Variants in TMEM132D observed in about 807,000 individuals in gnomAD.
The protein encoded by TMEM132D is mature OL transmembrane protein.
In TMEM132D, 21 loss-of-function variants were observed where a neutral mutation model predicts 62.3. The ratio of observed to expected loss-of-function variants is 0.34; its 90% CI spans 0.24 to 0.49. The LOEUF is 0.49. Ranked by LOEUF, TMEM132D falls within the 20% of genes least tolerant of loss-of-function variation. The probability of loss-of-function intolerance (pLI) is 0.99; values close to 1 mark genes in which losing one functional copy is unlikely to be tolerated. For synonymous variants in TMEM132D, 621 were observed against 575.6 expected (o/e 1.08, Z -1.13); for missense variants, 1,346 against 1,402.8 (o/e 0.96, Z 0.65).
intron 4 of TMEM132D, among the ~76,000 whole-genome samples, chr12:129,335,328 G>C (rs529658109): frequency 6.6e-6 from 1 of 151,454 alleles, no homozygotes; most frequent in African/African-American, 2.4e-5. Context: ...AGTAGAGATG[G>C]GGTTTTGCCA....
chr12:129,073,566 G>C lies in TMEM132D; in HGVS notation c.*309C>G, dbSNP rs896879643. ...CAATATCCAAATTGCTTTGATTCGA[G>C]AGAGAGAGGCTGTTCTTTCCTGGAC... On this transcript the variant is annotated 3_prime_UTR_variant, in exon 9 of 9. Coordinates refer to ENST00000422113, the MANE Select transcript of TMEM132D (RefSeq NM_133448.3). The C allele has an allele frequency of 8.3e-5, 24 of 289,106 alleles. No homozygotes were observed. Among genetic ancestry groups the C allele is most frequent in the Admixed American group, 8.1e-4 (17 of 20,878 alleles). 17.9% of individuals were successfully genotyped at this position (289,106 alleles called of 1,614,324 possible). A position where few individuals can be genotyped will look rare whatever the true frequency, so the allele number is the denominator to read the frequency against.
intron 5 of TMEM132D, among the ~76,000 whole-genome samples, chr12:129,175,659 G>T (rs1877883504): frequency 6.6e-6 from 1 of 152,124 alleles, no homozygotes; most frequent in South Asian, 2.1e-4. Context: ...AGCGAGCCAA[G>T]ATCACACCAT....
At chr12:129,617,934 T>C (rs1878966172) in intron 2 of TMEM132D, among the ~76,000 whole-genome samples, 1 of 152,196 alleles carries the variant, frequency 6.6e-6, no homozygotes, top group Admixed American at 6.5e-5. Context: ...CAGACTGGCC[T>C]CATTTCAGAT....
rs139682383 is a variant in TMEM132D at position 129,586,816 on chromosome 12, A to G, written c.969-55611T>C. Among the ~76,000 whole-genome samples the G allele has an allele frequency of 1.8e-3, 268 of 152,318 alleles. 1 individual carries two copies. Among genetic ancestry groups the G allele is most frequent in the African/African-American group, 6.2e-3 (257 of 41,578 alleles). ...AGCCTATCTTGACTAATGCAGGTAC[A>G]TAACATGATGAAGGTGGCATTCCAA... On this transcript the variant is annotated intron_variant, in intron 2 of 8. Coordinates refer to ENST00000422113, the MANE Select transcript of TMEM132D (RefSeq NM_133448.3).
chr12:129,751,369 C>T (rs941090635), intron 1 of TMEM132D, among the ~76,000 whole-genome samples: 1 of 152,200 alleles, frequency 6.6e-6, no homozygotes, highest in Non-Finnish European at 1.5e-5. Flanking sequence ...ATTAAGAGAA[C>T]AGCAAGGGGT....
chr12:129,553,481 C>T (rs954124615), intron 2 of TMEM132D, among the ~76,000 whole-genome samples: 3 of 152,176 alleles, frequency 2.0e-5, no homozygotes, highest in African/African-American at 7.2e-5. Flanking sequence ...TACGTCTGTG[C>T]CTTCAGGCAA....
intron 1 of TMEM132D, among the ~76,000 whole-genome samples, chr12:129,806,477 G>A (rs1871984918): frequency 7.3e-6 from 1 of 137,594 alleles, no homozygotes; most frequent in South Asian, 2.6e-4. Context: ...CTCACTCATA[G>A]GTGGGAATTG....
At position 129,781,852 on chromosome 12, in the gene TMEM132D, T is replaced by C. The variant is rs548184078; in HGVS notation, c.80-81154A>G. 2.0e-5 allele frequency among the ~76,000 whole-genome samples: 3 copies of C among 152,332 alleles called. No homozygotes were observed. The East Asian group carries it at 5.8e-4, about 29-fold the overall frequency. On this transcript the variant is annotated intron_variant, in intron 1 of 8. Transcript: ENST00000422113. Reference sequence around the variant, plus strand: ...CAGCTAAAATCCGGGAGTTAACTTATTCAAGAAAATATGAGAAAAGATCCT... The same window carrying C: ...CAGCTAAAATCCGGGAGTTAACTTACTCAAGAAAATATGAGAAAAGATCCT...
intron 2 of TMEM132D, among the ~76,000 whole-genome samples, chr12:129,650,943 C>A (rs1209732107): frequency 6.6e-6 from 1 of 152,182 alleles, no homozygotes; most frequent in African/African-American, 2.4e-5. Flanking sequence ...TAGAAGGAGG[C>A]ATGTCTAAGC....
chr12:129,400,164 G>A (rs1339755318), intron 3 of TMEM132D, among the ~76,000 whole-genome samples: 1 of 152,082 alleles, frequency 6.6e-6, no homozygotes, highest in East Asian at 1.9e-4. Flanking sequence ...AGAAATAAGT[G>A]AGGCCCCAAA....
At chr12:129,116,400 G>T (rs1875890153) in intron 5 of TMEM132D, among the ~76,000 whole-genome samples, 1 of 152,090 alleles carries the variant, frequency 6.6e-6, no homozygotes, top group East Asian at 1.9e-4. Flanking sequence ...GCCCAGTGGA[G>T]AATGATAGTA....
chr12:129,469,899 A>C (rs564180296), intron 3 of TMEM132D, among the ~76,000 whole-genome samples: 2 of 152,308 alleles, frequency 1.3e-5, no homozygotes, highest in Admixed American at 1.3e-4. Context: ...AACTTCTGTG[A>C]ATTGCCTGCT....
At chr12:129,783,953 C>A (rs1871190637) in intron 1 of TMEM132D, among the ~76,000 whole-genome samples, 2 of 149,276 alleles carry the variant, frequency 1.3e-5, no homozygotes, top group Non-Finnish European at 3.0e-5. Context: ...AGAATTTGAT[C>A]TTTTATGGTT....
At chr12:129,760,991 GTTTC>G (rs1181095040) in intron 1 of TMEM132D, among the ~76,000 whole-genome samples, 1 of 151,698 alleles carries the variant, frequency 6.6e-6, no homozygotes, top group Non-Finnish European at 1.5e-5. Flanking sequence ...GGACACAACT[GTTTC>G]TTTATAAGTT....
intron 5 of TMEM132D, 89 bp from the exon 6 acceptor site, chr12:129,084,791 G>C: frequency 7.7e-7 from 1 of 1,293,438 alleles, no homozygotes. Flanking sequence ...AAGTGCCCTG[G>C]CTGGTGGAGG....
At chr12:129,670,189 T>C (rs1880471298) in intron 2 of TMEM132D, among the ~76,000 whole-genome samples, 1 of 152,244 alleles carries the variant, frequency 6.6e-6, no homozygotes, top group Admixed American at 6.5e-5. Context: ...TGTTCATTCC[T>C]GGGCTTAGGC....
At chr12:129,394,629 G>A (rs925956850) in intron 3 of TMEM132D, among the ~76,000 whole-genome samples, 7 of 152,256 alleles carry the variant, frequency 4.6e-5, no homozygotes, top group African/African-American at 1.4e-4. Context: ...GTCTAGCCGC[G>A]TAGACGCTGG....
At chr12:129,257,886 T>A (rs1204757962) in intron 4 of TMEM132D, among the ~76,000 whole-genome samples, 2 of 152,192 alleles carry the variant, frequency 1.3e-5, no homozygotes, top group Non-Finnish European at 1.5e-5. Flanking sequence ...AGCTCCTGGG[T>A]CCAGCAACAC....
chr12:129,383,302 G>T (rs955634439), intron 3 of TMEM132D, among the ~76,000 whole-genome samples: 2 of 152,182 alleles, frequency 1.3e-5, no homozygotes, highest in African/African-American at 4.8e-5. Flanking sequence ...GCAGTTCTTA[G>T]ATGCTCACTA....
Sources: allele counts gnomAD v4.1 joint callset (sites outside exome capture counted in the v4.1 genomes callset), GRCh38; gene constraint gnomAD v4.1.1; transcripts MANE v1.5; gene names NCBI Gene and HGNC (gene_info 2026-07-23, HGNC 2026-07-21).